Variants in UBA6 observed in about 807,000 individuals in gnomAD.
The protein encoded by UBA6 is ubiquitin-like modifier-activating enzyme 6.
Under a neutral mutation model 148.3 loss-of-function variants are expected in UBA6, and 87 were observed. That is an observed-to-expected ratio of 0.59 (90% CI 0.49 to 0.70). The LOEUF (loss-of-function observed/expected upper bound fraction) is 0.70, where lower values mean the gene tolerates loss of function less well. Ranked by LOEUF, UBA6 falls within the 30% of genes least tolerant of loss-of-function variation. UBA6 has a pLI of 0.00. For synonymous variants in UBA6, 376 were observed against 401.0 expected (o/e 0.94, Z 0.75); for missense variants, 1,186 against 1,241.2 (o/e 0.96, Z 0.67).
chr4:67,692,747 G>A (rs1228894526), intron 2 of UBA6, among the ~76,000 whole-genome samples: 6 of 152,058 alleles, frequency 3.9e-5, no homozygotes, highest in Non-Finnish European at 7.4e-5. Context: ...CTAGATCAGG[G>A]CATCATAAAG....
chr4:67,644,984 T>C (rs1403817195), intron 16 of UBA6, among the ~76,000 whole-genome samples: 1 of 152,146 alleles, frequency 6.6e-6, no homozygotes, highest in South Asian at 2.1e-4. Context: ...GAACTGCTTA[T>C]GTAAGATAGA....
At chr4:67,657,978 A>T (rs1376606929) in intron 13 of UBA6, among the ~76,000 whole-genome samples, 2 of 152,214 alleles carry the variant, frequency 1.3e-5, no homozygotes, top group Non-Finnish European at 2.9e-5. Context: ...AGACATGCAA[A>T]TCAAAACCAC....
chr4:67,670,700 A>G, intron 7 of UBA6, 108 bp from the exon 8 acceptor site: 2 of 822,972 alleles, frequency 2.4e-6, no homozygotes, highest in Non-Finnish European at 4.0e-6. Flanking sequence ...TATACCTTAC[A>G]CAACCTATAG....
chr4:67,682,719 T>C (rs1366605815), intron 2 of UBA6, among the ~76,000 whole-genome samples: 1 of 152,134 alleles, frequency 6.6e-6, no homozygotes, highest in East Asian at 1.9e-4. Context: ...AGGATGGGAA[T>C]TTCAAAAAAT....
chr4:67,644,800 TA>T, intron 16 of UBA6, 22 bp from the exon 17 acceptor site: 1 of 1,284,816 alleles, frequency 7.8e-7, no homozygotes, highest in Non-Finnish European at 1.1e-6. Flanking sequence ...AAAAATGGTA[TA>T]TATCAGATTA....
chr4:67,690,018 A>G (rs1476085324), intron 2 of UBA6, among the ~76,000 whole-genome samples: 1 of 152,106 alleles, frequency 6.6e-6, no homozygotes, highest in East Asian at 1.9e-4. Context: ...AAAGGAGGAG[A>G]AGTAACTCAG....
intron 7 of UBA6, among the ~76,000 whole-genome samples, chr4:67,672,493 T>C (rs1489477005): frequency 6.6e-6 from 1 of 152,202 alleles, no homozygotes; most frequent in Non-Finnish European, 1.5e-5. Flanking sequence ...ACTACAATTA[T>C]AGTCTTCTCT....
intron 18 of UBA6, among the ~76,000 whole-genome samples, chr4:67,640,919 G>GA (rs902035006): frequency 2.6e-5 from 4 of 151,874 alleles, no homozygotes; most frequent in East Asian, 1.9e-4. Flanking sequence ...ATTACAAAAT[G>GA]AAAAAAATAC....
At chr4:67,640,234 A>G (rs1729270578) in intron 18 of UBA6, among the ~76,000 whole-genome samples, 1 of 152,254 alleles carries the variant, frequency 6.6e-6, no homozygotes, top group Non-Finnish European at 1.5e-5. Context: ...AAGAATGAAC[A>G]GGACTTTATA....
chr4:67,633,227 A>C, intron 23 of UBA6, 118 bp downstream of exon 23: 1 of 904,912 alleles, frequency 1.1e-6, no homozygotes. Context: ...CTTACTACTA[A>C]TTTCTGAAAA....
chr4:67,666,933 C>T (rs970549630), intron 9 of UBA6, among the ~76,000 whole-genome samples: 5 of 151,988 alleles, frequency 3.3e-5, no homozygotes, highest in African/African-American at 1.2e-4. Context: ...TTTTTTCATG[C>T]TAGCAGAATA....
intron 2 of UBA6, among the ~76,000 whole-genome samples, chr4:67,689,138 T>C (rs1271897787): frequency 6.6e-6 from 1 of 152,170 alleles, no homozygotes; most frequent in Non-Finnish European, 1.5e-5. Context: ...TTCAACACTT[T>C]ATTATAAAAT....
At chr4:67,667,725 T>G (rs1730040949) in intron 9 of UBA6, among the ~76,000 whole-genome samples, 1 of 152,156 alleles carries the variant, frequency 6.6e-6, no homozygotes, top group Non-Finnish European at 1.5e-5. Context: ...TATAAATTCA[T>G]TATATTAAAC....
In UBA6 at chr4:67,613,745, A is replaced by C. The variant is rs1218773830; in HGVS notation, c.*5252T>G. On this transcript the variant is annotated 3_prime_UTR_variant, in exon 33 of 33. Coordinates refer to ENST00000322244, the MANE Select transcript of UBA6 (RefSeq NM_018227.6). ...AAATTCCTGTCTAAGGAGTCTGGGG[A>C]GTCATGCTCTACAAACCATAAATTC... 1 of 152,210 alleles carries C rather than the reference A, an allele frequency of 6.6e-6. No individual in the cohort carries two copies. The highest frequency in any genetic ancestry group is 1.5e-5 in the Non-Finnish European group (1 of 68,036). The allele number at this position is 152,210 out of a possible 1,614,324, so 9.4% of individuals were successfully genotyped here.
intron 9 of UBA6, 121 bp from the exon 10 acceptor site, chr4:67,665,413 GTTT>G: frequency 2.5e-6 from 1 of 407,346 alleles, no homozygotes; most frequent in South Asian, 4.1e-5. Context: ...CCAGCATAGT[GTTT>G]TTTTTTGTTT....
At position 67,661,943 on chromosome 4, in the gene UBA6, T is replaced by C. The variant is rs960371864; in HGVS notation, c.1104+246A>G. On this transcript the variant is annotated intron_variant, in intron 13 of 32. Transcript: ENST00000322244. ...TAAAAAAATAGCAGCAAATATTAAT[T>C]ACTATATGTCACATGGCATTTCTAA... 4 of 429,772 alleles carry C rather than the reference T, an allele frequency of 9.3e-6. No individual in the cohort carries two copies. The Admixed American group carries it at 1.2e-4, about 13-fold the overall frequency. The allele number at this position is 429,772 out of a possible 1,614,324, so 26.6% of individuals were successfully genotyped here.
intron 2 of UBA6, among the ~76,000 whole-genome samples, chr4:67,689,407 G>A (rs1485469900): frequency 1.3e-5 from 2 of 152,034 alleles, no homozygotes; most frequent in African/African-American, 4.8e-5. Flanking sequence ...CATATAAGAT[G>A]CCAGAAAGTT....
chr4:67,620,207 TTATCCAAGATACTTAGG>T (rs1452356818), intron 32 of UBA6, among the ~76,000 whole-genome samples: 1 of 152,168 alleles, frequency 6.6e-6, no homozygotes, highest in African/African-American at 2.4e-5. Flanking sequence ...TACTCTTAAT[TTATCCAAGATACTTAGG>T]TATCCTAATG....
At chr4:67,685,851 G>T (rs190493321) in intron 2 of UBA6, among the ~76,000 whole-genome samples, 2 of 152,170 alleles carry the variant, frequency 1.3e-5, no homozygotes, top group East Asian at 3.9e-4. Flanking sequence ...CACCAGATAT[G>T]ACCCCTTGAT....
Sources: gnomAD v4.1 joint callset for allele counts (sites outside exome capture counted in the v4.1 genomes callset) on GRCh38, gnomAD v4.1.1 for gene constraint, MANE v1.5 for transcripts, NCBI Gene and HGNC (gene_info 2026-07-23, HGNC 2026-07-21) for gene names.